Variants in USP32 observed in about 807,000 individuals in gnomAD.
The protein encoded by USP32 is ubiquitin carboxyl-terminal hydrolase 32.
Under a neutral mutation model 204.8 loss-of-function variants are expected in USP32, and 59 were observed. That is an observed-to-expected ratio of 0.29 (90% confidence interval 0.23 to 0.36). The LOEUF is 0.36. Ranked by LOEUF, USP32 falls within the 10% of genes least tolerant of loss-of-function variation. The pLI is 1.00. For missense variants in USP32, 1,160 were observed against 1,946.4 expected (o/e 0.60, Z 7.60); for synonymous variants, 517 against 678.4 (o/e 0.76, Z 3.70).
intron 29 of USP32, among the ~76,000 whole-genome samples, chr17:60,187,244 G>T (rs577712012): frequency 2.7e-4 from 41 of 152,320 alleles, no homozygotes; most frequent in Non-Finnish European, 5.1e-4. Context: ...AGCAAGGCTG[G>T]ATTTGATCGT....
intron 5 of USP32, among the ~76,000 whole-genome samples, chr17:60,284,408 AC>A (rs1479854316): frequency 2.0e-5 from 3 of 150,728 alleles, no homozygotes; most frequent in Admixed American, 6.6e-5. Flanking sequence ...TTTAGTAGAG[AC>A]AGGGGTTTCA....
chr17:60,244,322 A>T (rs1218629854), intron 11 of USP32, among the ~76,000 whole-genome samples: 1 of 152,008 alleles, frequency 6.6e-6, no homozygotes, highest in Non-Finnish European at 1.5e-5. Context: ...CCAGCCAAGT[A>T]GCTAGATTTT....
chr17:60,240,814 A>C (rs184214492), intron 11 of USP32, among the ~76,000 whole-genome samples: 1 of 152,228 alleles, frequency 6.6e-6, no homozygotes, highest in African/African-American at 2.4e-5. Flanking sequence ...ATTCTATTAT[A>C]TGCCTCAATT....
At chr17:60,181,039 T>C (rs1011542821) in intron 32 of USP32, among the ~76,000 whole-genome samples, 1 of 151,760 alleles carries the variant, frequency 6.6e-6, no homozygotes, top group African/African-American at 2.4e-5. Flanking sequence ...CATGCCACCA[T>C]ACCTTGCTCC....
chr17:60,207,000 G>A lies in USP32; in HGVS notation c.3037+21C>T, dbSNP rs989549596. ...ATATTTAAAGGAGCAATCATGAGAAGGAGTTCTAGTTCTATCTTACCTGTC... is the reference window on the plus strand; with the variant it reads ...ATATTTAAAGGAGCAATCATGAGAAAGAGTTCTAGTTCTATCTTACCTGTC... On this transcript the variant is annotated intron_variant, in intron 25 of 33. Transcript: ENST00000300896. 9 of 1,599,430 alleles carry A rather than the reference G, an allele frequency of 5.6e-6. No homozygotes were observed. In the African/African-American group the frequency reaches 1.1e-4, roughly 19 times the overall value.
chr17:60,406,449 G>C (rs2089976742), intron 1 of USP32, among the ~76,000 whole-genome samples: 1 of 152,100 alleles, frequency 6.6e-6, no homozygotes, highest in African/African-American at 2.4e-5. Flanking sequence ...AAAGTGCTGG[G>C]ATCACAGGCG....
At chr17:60,216,591 G>C (rs1279742541) in intron 16 of USP32, among the ~76,000 whole-genome samples, 1 of 152,224 alleles carries the variant, frequency 6.6e-6, no homozygotes. Flanking sequence ...CTCACCTAAG[G>C]CAGGCTAAAA....
At chr17:60,296,624 T>C (rs1164550461) in intron 3 of USP32, among the ~76,000 whole-genome samples, 1 of 152,184 alleles carries the variant, frequency 6.6e-6, no homozygotes, top group Non-Finnish European at 1.5e-5. Context: ...TGCTTTGTTA[T>C]GGCAGCCCTA....
chr17:60,408,479 T>A (rs1340872721), intron 1 of USP32, among the ~76,000 whole-genome samples: 1 of 151,670 alleles, frequency 6.6e-6, no homozygotes, highest in Non-Finnish European at 1.5e-5. Context: ...CCGGGTTCAA[T>A]CGATTTTCCT....
At chr17:60,367,117 G>A (rs970319185) in intron 1 of USP32, among the ~76,000 whole-genome samples, 14 of 152,112 alleles carry the variant, frequency 9.2e-5, no homozygotes, top group South Asian at 2.1e-4. Flanking sequence ...GTGAGCCACC[G>A]CGCCTAGCCT....
intron 12 of USP32, among the ~76,000 whole-genome samples, chr17:60,226,815 T>C (rs1431653989): frequency 6.6e-6 from 1 of 152,020 alleles, no homozygotes; most frequent in African/African-American, 2.4e-5. Flanking sequence ...TCCCAGCACT[T>C]TGGGAGACCG....
intron 2 of USP32, among the ~76,000 whole-genome samples, chr17:60,338,491 G>A (rs1367867362): frequency 1.6e-4 from 24 of 152,134 alleles, no homozygotes; most frequent in Non-Finnish European, 1.5e-5. Context: ...AGCAATTTGG[G>A]AAGTCGAGGC....
Position 60,181,542 on chromosome 17 carries a change from C to A in USP32, c.4330G>T (p.Ala1444Ser). ...GAGQICELAD[A>S]LSRGHVLGGS... ...CCCAGCACATGCCCTCGACTCAAGGCGTCAGCCAGCTCACATATCTGCCCA... is the reference window on the plus strand; with the variant it reads ...CCCAGCACATGCCCTCGACTCAAGGAGTCAGCCAGCTCACATATCTGCCCA... Residue 1444 changes from alanine (A) to serine (S), a missense_variant, in exon 32 of 34, where the codon GCC (alanine) becomes TCC (serine). Ala to Ser is a moderately conservative substitution (Grantham distance 99, BLOSUM62 1). Transcript: ENST00000300896. 1.2e-6 allele frequency: 2 copies of A among 1,614,004 alleles called. No homozygotes were observed. Among genetic ancestry groups the A allele is most frequent in the Non-Finnish European group, 1.7e-6 (2 of 1,179,874 alleles).
intron 2 of USP32, among the ~76,000 whole-genome samples, chr17:60,311,090 T>A (rs1230438838): frequency 6.6e-6 from 1 of 152,134 alleles, no homozygotes; most frequent in Non-Finnish European, 1.5e-5. Flanking sequence ...GTTAGTAAGG[T>A]GATTATAATA....
intron 1 of USP32, 139 bp downstream of exon 1, chr17:60,391,743 C>G (rs1026762304): frequency 1.1e-6 from 1 of 878,104 alleles, no homozygotes; most frequent in African/African-American, 1.7e-5. Flanking sequence ...CTCCACCACA[C>G]TCCCCAAGGC....
intron 13 of USP32, among the ~76,000 whole-genome samples, chr17:60,224,999 T>A (rs1054995579): frequency 6.6e-6 from 1 of 152,232 alleles, no homozygotes; most frequent in Non-Finnish European, 1.5e-5. Context: ...ATAATCTCCA[T>A]ATTTTGGCCT....
At chr17:60,222,708 G>A (rs556083082) in intron 14 of USP32, among the ~76,000 whole-genome samples, 159 bp from the exon 15 acceptor site, 2 of 147,760 alleles carry the variant, frequency 1.4e-5, no homozygotes, top group East Asian at 3.9e-4. Flanking sequence ...TTGAGACGGG[G>A]TCTTGTTCCG....
chr17:60,391,955 T>C lies in USP32; in HGVS notation c.-16A>G, dbSNP rs1486655386. ...TGGCACCCATGCTCCCCTCATCCCC[T>C]CGGCGGGGGGTCGGAGCCTGATCTC... On this transcript the variant is annotated 5_prime_UTR_variant, in exon 1 of 34. Transcript: ENST00000300896. 1.9e-6 allele frequency: 3 copies of C among 1,607,588 alleles called. No homozygotes were observed. Among genetic ancestry groups the C allele is most frequent in the Admixed American group, 1.7e-5 (1 of 59,198 alleles).
At chr17:60,392,168 T>G, upstream of USP32, 1 of 508,278 alleles carries the variant, frequency 2.0e-6, no homozygotes. Context: ...CCCTGCCTCC[T>G]ACTCCGCCCT....
Sources: allele counts gnomAD v4.1 joint callset (sites outside exome capture counted in the v4.1 genomes callset), GRCh38; gene constraint gnomAD v4.1.1; transcripts MANE v1.5; gene names NCBI Gene and HGNC (gene_info 2026-07-23, HGNC 2026-07-21).